The following NUP58 variants were observed in gnomAD, a reference collection of about 807,000 sequenced individuals.
The protein encoded by NUP58 is nucleoporin p58/p45.
Under a neutral mutation model 70.1 loss-of-function variants are expected in NUP58, and 17 were observed. That is an observed-to-expected ratio of 0.24 (90% CI 0.17 to 0.36). NUP58 has a LOEUF of 0.36. Among genes scored for constraint, NUP58 ranks in the 10% least tolerant of loss-of-function variants. NUP58 has a pLI of 1.00. For synonymous variants in NUP58, 275 were observed against 257.6 expected (o/e 1.07, Z -0.65); for missense variants, 644 against 701.5 (o/e 0.92, Z 0.93).
At chr13:25,311,892 C>CA (rs753772816) in intron 3 of NUP58, among the ~76,000 whole-genome samples, 4 of 152,000 alleles carry the variant, frequency 2.6e-5, no homozygotes, top group Non-Finnish European at 4.4e-5. Flanking sequence ...GAAAGGATGT[C>CA]AAGGATGACT....
chr13:25,307,552 T>C (rs1009892661), intron 1 of NUP58, among the ~76,000 whole-genome samples: 5 of 152,152 alleles, frequency 3.3e-5, no homozygotes, highest in Admixed American at 6.6e-5. Context: ...TACTTTTACA[T>C]GTGGATTTAT....
At chr13:25,328,147 C>T (rs1018878700) in intron 12 of NUP58, among the ~76,000 whole-genome samples, 7 of 150,372 alleles carry the variant, frequency 4.7e-5, no homozygotes, top group African/African-American at 1.7e-4. Context: ...TGCAGTGAGC[C>T]GAGATCACAC....
chr13:25,317,155 G>A (rs924930825), intron 6 of NUP58, among the ~76,000 whole-genome samples: 1 of 152,128 alleles, frequency 6.6e-6, no homozygotes, highest in African/African-American at 2.4e-5. Flanking sequence ...CAGTGAAGAG[G>A]GGACAGCGTC....
chr13:25,313,412 CA>C (rs1043170707), intron 4 of NUP58, among the ~76,000 whole-genome samples: 15 of 152,214 alleles, frequency 9.9e-5, no homozygotes, highest in African/African-American at 3.6e-4. Context: ...TAATACTCCT[CA>C]AAGCCCTTAT....
At chr13:25,344,393 TTTGG>T (rs2032025056), downstream of NUP58, among the ~76,000 whole-genome samples, 1 of 152,180 alleles carries the variant, frequency 6.6e-6, no homozygotes, top group Admixed American at 6.5e-5. Context: ...ATCTAAAGCA[TTTGG>T]ATAGTGTAAC....
chr13:25,315,859 G>A (rs2030907263), intron 6 of NUP58, among the ~76,000 whole-genome samples: 1 of 152,172 alleles, frequency 6.6e-6, no homozygotes, highest in African/African-American at 2.4e-5. Context: ...GTTTAAGAGT[G>A]TCTGCTCTGG....
chr13:25,336,803 T>A (rs1346742160), intron 13 of NUP58, 133 bp from the exon 14 acceptor site: 1 of 593,276 alleles, frequency 1.7e-6, no homozygotes, highest in Non-Finnish European at 2.8e-6. Context: ...GAAAACTAAG[T>A]TTTAACAAAT....
chr13:25,313,731 G>T lies in NUP58; in HGVS notation c.554G>T (p.Ser185Ile). 6.5e-7 allele frequency: 1 copy of T among 1,528,808 alleles called. No individual in the cohort carries two copies. The highest frequency in any genetic ancestry group is 8.7e-7 in the Non-Finnish European group (1 of 1,151,154). The allele number at this position is 1,528,808 out of a possible 1,614,324, so 94.7% of individuals were successfully genotyped here. A position where few individuals can be genotyped will look rare whatever the true frequency, so the allele number is the denominator to read the frequency against. The change falls in exon 5 of 16, where the codon AGT becomes ATT. Residue 185 changes from serine to isoleucine, a missense_variant. Around this residue, in one of 4 missense-constraint regions of NUP58, gnomAD observed 430 missense variants for 409.2 expected, o/e 1.05. Transcript: ENST00000381736. ...LAGLGGSLFQ[S>I]TNTGTSGLGQ... ...GGTTTGGGAGGTTCACTTTTCCAGAGTACAAACACAGGAACATCAGGTAAT... is the reference window on the plus strand; with the variant it reads ...GGTTTGGGAGGTTCACTTTTCCAGATTACAAACACAGGAACATCAGGTAAT...
chr13:25,345,356 A>G (rs902284100), downstream of NUP58, among the ~76,000 whole-genome samples: 1 of 149,008 alleles, frequency 6.7e-6, no homozygotes, highest in African/African-American at 2.5e-5. Flanking sequence ...GTGATTACAC[A>G]GTTCATATGG....
At chr13:25,302,722 G>A (rs2030089412) in intron 1 of NUP58, among the ~76,000 whole-genome samples, 1 of 152,166 alleles carries the variant, frequency 6.6e-6, no homozygotes, top group Non-Finnish European at 1.5e-5. Flanking sequence ...ACTTCCTGAA[G>A]CTTAAAAGAT....
chr13:25,331,299 A>C (rs2031593388), intron 12 of NUP58, 58 bp from the exon 13 acceptor site: 13 of 1,494,992 alleles, frequency 8.7e-6, no homozygotes, highest in Non-Finnish European at 1.2e-5. Flanking sequence ...ATTCATCCAC[A>C]TATTAACCAT....
At chr13:25,345,748 C>G (rs1019193490), downstream of NUP58, among the ~76,000 whole-genome samples, 2 of 152,182 alleles carry the variant, frequency 1.3e-5, no homozygotes, top group Non-Finnish European at 2.9e-5. Flanking sequence ...GTGAGACTTG[C>G]TGGTACAGAT....
At chr13:25,335,797 T>C (rs1014606167) in intron 13 of NUP58, 16 of 984,302 alleles carry the variant, frequency 1.6e-5, no homozygotes, top group Non-Finnish European at 1.9e-5. Context: ...TTGATTTCTT[T>C]AAAAATTTAA....
intron 4 of NUP58, 124 bp downstream of exon 4, chr13:25,313,156 G>A (rs2030759463): frequency 2.6e-6 from 3 of 1,152,934 alleles, no homozygotes; most frequent in Non-Finnish European, 3.6e-6. Context: ...TCAGCTTTGA[G>A]CATTGAAGCA....
At chr13:25,332,163 A>G (rs1223376223) in intron 13 of NUP58, 9 of 986,084 alleles carry the variant, frequency 9.1e-6, no homozygotes, top group African/African-American at 1.7e-5. Context: ...CAGAACAGCA[A>G]GAGCAGGAAA....
intron 12 of NUP58, among the ~76,000 whole-genome samples, chr13:25,330,702 A>G (rs571094829): frequency 1.3e-5 from 2 of 152,230 alleles, no homozygotes; most frequent in Admixed American, 6.5e-5. Context: ...AATTTTTCTT[A>G]CTCTGGAGTT....
intron 12 of NUP58, among the ~76,000 whole-genome samples, chr13:25,328,476 A>G (rs1475253235): frequency 6.8e-6 from 1 of 146,576 alleles, no homozygotes; most frequent in East Asian, 2.1e-4. Context: ...GTTCACTGCA[A>G]CCTCCACCTC....
At position 25,323,707 on chromosome 13, in the gene NUP58, A is replaced by G. The variant is rs943629242; in HGVS notation, c.952-1282A>G. Among the ~76,000 whole-genome samples, 7 of 38,458 alleles carry G rather than the reference A, an allele frequency of 1.8e-4. No individual in the cohort carries two copies. In the Non-Finnish European group the frequency reaches 0.011, roughly 61 times the overall value. 25.2% of individuals were successfully genotyped at this position (38,458 alleles called of 152,430 possible). On this transcript the variant is annotated intron_variant, in intron 9 of 15. Transcript: ENST00000381736. ...TTTATATACTTCATTTTTAATAAGT[A>G]ACTTGAGTTTAAATTAAAATAGGAT...
chr13:25,333,531 A>T (rs769413113), intron 13 of NUP58: 1 of 985,240 alleles, frequency 1.0e-6, no homozygotes, highest in Non-Finnish European at 1.2e-6. Context: ...TTTGAATTGT[A>T]TGAATTCTTA....
Sources: gnomAD v4.1 joint callset for allele counts (sites outside exome capture counted in the v4.1 genomes callset) on GRCh38, gnomAD v4.1.1 for gene constraint, gnomAD v4.1.1 regional missense constraint, MANE v1.5 for transcripts, NCBI Gene and HGNC (gene_info 2026-07-23, HGNC 2026-07-21) for gene names.